Variants in MDGA2 observed in about 807,000 individuals in gnomAD.
The protein encoded by MDGA2 is MAM domain containing glycosylphosphatidylinositol anchor 2, also known as MAM domain-containing glycosylphosphatidylinositol anchor protein 2.
MDGA2 carries 40 observed loss-of-function variants against 117.8 expected under a neutral mutation model. The observed-to-expected ratio is 0.34, with a 90% CI of 0.26 to 0.44. MDGA2 has a LOEUF of 0.44. Ranked by LOEUF, MDGA2 falls within the 20% of genes least tolerant of loss-of-function variation. MDGA2 has a pLI of 1.00. For missense variants in MDGA2, 1,123 were observed against 1,250.6 expected (o/e 0.90, Z 1.54); for synonymous variants, 452 against 439.0 (o/e 1.03, Z -0.37).
intron 1 of MDGA2, among the ~76,000 whole-genome samples, chr14:47,569,461 T>A (rs1895979720): frequency 6.6e-6 from 1 of 152,164 alleles, no homozygotes. Flanking sequence ...GGGAACAGAT[T>A]TTCTGTCTCT....
intron 1 of MDGA2, among the ~76,000 whole-genome samples, chr14:47,481,815 C>T (rs1893959361): frequency 1.3e-5 from 2 of 151,696 alleles, no homozygotes; most frequent in South Asian, 2.1e-4. Context: ...TAAAATGCTA[C>T]AAAAAAATGC....
chr14:46,982,734 A>AAAAAAAATAATAAT (rs1449356596), intron 8 of MDGA2, among the ~76,000 whole-genome samples: 1 of 130,326 alleles, frequency 7.7e-6, no homozygotes, highest in Non-Finnish European at 1.7e-5. Flanking sequence ...AAAAAAAAAA[A>AAAAAAAATAATAAT]AATCATGTCA....
chr14:47,178,081 T>C (rs74895326), intron 3 of MDGA2, among the ~76,000 whole-genome samples: 13,756 of 151,918 alleles, frequency 0.091, 750 homozygotes, highest in Admixed American at 0.17. Flanking sequence ...ATTGAGGGGG[T>C]TGGGTATTGT....
chr14:47,072,340 C>T (rs1356312368), intron 6 of MDGA2, among the ~76,000 whole-genome samples: 1 of 152,000 alleles, frequency 6.6e-6, no homozygotes, highest in African/African-American at 2.4e-5. Flanking sequence ...TCTGTGAGCA[C>T]CTCAAGAAAA....
intron 5 of MDGA2, among the ~76,000 whole-genome samples, chr14:47,114,653 A>G (rs1881224903): frequency 6.6e-6 from 1 of 152,178 alleles, no homozygotes; most frequent in Admixed American, 6.5e-5. Context: ...CAAACCTGAC[A>G]AAAACAAGCA....
chr14:47,586,902 A>G (rs917463125), intron 1 of MDGA2, among the ~76,000 whole-genome samples: 5 of 151,910 alleles, frequency 3.3e-5, no homozygotes, highest in African/African-American at 1.2e-4. Flanking sequence ...GTGATGTTCA[A>G]ACTTCCTTAG....
chr14:46,941,299 TG>T (rs2138581556), intron 9 of MDGA2, among the ~76,000 whole-genome samples: 1 of 152,342 alleles, frequency 6.6e-6, no homozygotes, highest in Admixed American at 6.5e-5. Context: ...ATTATAAGAC[TG>T]TGGTTATAAC....
chr14:47,321,303 T>C (rs1283856042), intron 1 of MDGA2, among the ~76,000 whole-genome samples: 1 of 152,216 alleles, frequency 6.6e-6, no homozygotes, highest in Admixed American at 6.5e-5. Flanking sequence ...GTATTTTTCC[T>C]TGCCTTTCAA....
Position 47,229,600 on chromosome 14 carries a change from A to G in MDGA2, c.421-11405T>C, listed in dbSNP as rs547464057. 2.6e-5 allele frequency among the ~76,000 whole-genome samples: 4 copies of G among 152,176 alleles called. No homozygotes were observed. The East Asian group carries it at 5.8e-4, about 22-fold the overall frequency. ...TAATGCCCTTGAAGAAACAACTAAA[A>G]GTAACTAAAGAAATAAAGAAAACTG... On this transcript the variant is annotated intron_variant, in intron 2 of 16. Transcript: ENST00000399232.
chr14:47,447,387 A>T (rs538103625), intron 1 of MDGA2, among the ~76,000 whole-genome samples: 4 of 152,190 alleles, frequency 2.6e-5, no homozygotes, highest in Non-Finnish European at 5.9e-5. Flanking sequence ...GGACAAAGAA[A>T]GAAAAAGGAG....
At chr14:46,845,911 G>A in intron 15 of MDGA2, 40 bp from the exon 16 acceptor site, 1 of 1,441,236 alleles carries the variant, frequency 6.9e-7, no homozygotes, top group Non-Finnish European at 9.7e-7. Flanking sequence ...GTGGAGCTTT[G>A]ATTTGCAGAT....
rs1207301393 is a variant in MDGA2, at chr14:47,106,494, G to A, written c.926-9371C>T. 8.6e-5 allele frequency among the ~76,000 whole-genome samples: 13 copies of A among 151,970 alleles called. 1 individual carries two copies. The Middle Eastern group carries it at 0.01, about 120-fold the overall frequency. Reference sequence around the variant, plus strand: ...CTGGCCACTGGGCCAAGGAATGCCCGCAGCCTGGGATTCCTCCTAAGCCGC... The same window carrying A: ...CTGGCCACTGGGCCAAGGAATGCCCACAGCCTGGGATTCCTCCTAAGCCGC... On this transcript the variant is annotated intron_variant, in intron 5 of 16. Transcript: ENST00000399232.
intron 3 of MDGA2, among the ~76,000 whole-genome samples, chr14:47,189,206 C>T (rs1885020525): frequency 6.6e-6 from 1 of 152,008 alleles, no homozygotes; most frequent in Admixed American, 6.6e-5. Context: ...CCTACCATCC[C>T]CTCCCTCCCC....
intron 1 of MDGA2, among the ~76,000 whole-genome samples, chr14:47,346,781 G>A (rs1256159510): frequency 6.6e-6 from 1 of 152,142 alleles, no homozygotes; most frequent in African/African-American, 2.4e-5. Flanking sequence ...TACAATAATA[G>A]ATAAAATTGA....
At chr14:47,406,469 C>T (rs528243513) in intron 1 of MDGA2, among the ~76,000 whole-genome samples, 10 of 145,330 alleles carry the variant, frequency 6.9e-5, no homozygotes, top group African/African-American at 2.5e-4. Context: ...GATTTGGAAA[C>T]GAAATAAAAG....
intron 3 of MDGA2, among the ~76,000 whole-genome samples, chr14:47,178,629 A>G (rs531771112): frequency 2.0e-5 from 3 of 152,328 alleles, no homozygotes; most frequent in Admixed American, 1.3e-4. Flanking sequence ...GAACATTTCT[A>G]CTTTGGAATA....
At chr14:47,329,901 CA>C (rs1890246298) in intron 1 of MDGA2, among the ~76,000 whole-genome samples, 1 of 151,718 alleles carries the variant, frequency 6.6e-6, no homozygotes, top group Admixed American at 6.6e-5. Context: ...AAATTTAGCC[CA>C]AATCATAGAA....
At chr14:46,848,779 A>G (rs1880944068) in intron 15 of MDGA2, among the ~76,000 whole-genome samples, 1 of 151,954 alleles carries the variant, frequency 6.6e-6, no homozygotes, top group Admixed American at 6.6e-5. Flanking sequence ...GTAATTTAAT[A>G]TGTGTGCTAC....
At chr14:47,331,871 T>C (rs1319269094) in intron 1 of MDGA2, among the ~76,000 whole-genome samples, 1 of 152,014 alleles carries the variant, frequency 6.6e-6, no homozygotes, top group Non-Finnish European at 1.5e-5. Context: ...TCCTTTTCGA[T>C]AATTGTCCAC....
Sources: allele counts gnomAD v4.1 joint callset (sites outside exome capture counted in the v4.1 genomes callset), GRCh38; gene constraint gnomAD v4.1.1; transcripts MANE v1.5; gene names NCBI Gene and HGNC (gene_info 2026-07-23, HGNC 2026-07-21).